CNTNAP2: variants seen among roughly 807,000 people sequenced by gnomAD.
CNTNAP2 encodes contactin associated protein 2.
CNTNAP2 carries 98 observed loss-of-function variants against 155.2 expected under a neutral mutation model. The observed-to-expected ratio is 0.63, with a 90% CI of 0.54 to 0.75. CNTNAP2 has a LOEUF of 0.75. Ranked by LOEUF, CNTNAP2 falls within the 30% of genes least tolerant of loss-of-function variation. The pLI, the probability that CNTNAP2 is intolerant of heterozygous loss-of-function variation, is 0.00. For synonymous variants in CNTNAP2, 651 were observed against 631.2 expected (o/e 1.03, Z -0.47); for missense variants, 1,727 against 1,688.1 (o/e 1.02, Z -0.40).
intron 1 of CNTNAP2, among the ~76,000 whole-genome samples, chr7:146,645,851 C>G (rs1354110189): frequency 6.6e-6 from 1 of 151,954 alleles, no homozygotes; most frequent in Non-Finnish European, 1.5e-5. Flanking sequence ...TCAAGCTGCA[C>G]TGACTTCCAG....
intron 1 of CNTNAP2, among the ~76,000 whole-genome samples, chr7:146,313,431 C>T (rs2129091127): frequency 6.6e-6 from 1 of 152,276 alleles, no homozygotes; most frequent in East Asian, 1.9e-4. Flanking sequence ...TTAAATTCCT[C>T]ATATGACGTG....
intron 1 of CNTNAP2, among the ~76,000 whole-genome samples, chr7:146,502,035 A>T (rs75584214): frequency 0.085 from 12,941 of 151,668 alleles, 1,460 homozygotes; most frequent in African/African-American, 0.26. Flanking sequence ...GATGACCACC[A>T]ATCTACTCCT....
chr7:148,031,686 A>G (rs960510916), intron 15 of CNTNAP2, among the ~76,000 whole-genome samples: 1 of 152,162 alleles, frequency 6.6e-6, no homozygotes, highest in African/African-American at 2.4e-5. Flanking sequence ...GCCCAGGGGA[A>G]TAGCCTTCCT....
chr7:148,361,824 G>A (rs1057397065), intron 21 of CNTNAP2, among the ~76,000 whole-genome samples: 2 of 152,142 alleles, frequency 1.3e-5, no homozygotes, highest in Non-Finnish European at 2.9e-5. Context: ...TACAATCATG[G>A]CAGAAGGCAA....
At chr7:146,241,165 T>C (rs1799554431) in intron 1 of CNTNAP2, among the ~76,000 whole-genome samples, 1 of 152,130 alleles carries the variant, frequency 6.6e-6, no homozygotes, top group Admixed American at 6.6e-5. Context: ...CCTCCAATAC[T>C]GGGGATGACA....
intron 14 of CNTNAP2, among the ~76,000 whole-genome samples, chr7:147,917,442 G>C (rs542211453): frequency 2.6e-5 from 4 of 152,316 alleles, no homozygotes; most frequent in Non-Finnish European, 4.4e-5. Flanking sequence ...GTGTTATTCA[G>C]ATTTGACATC....
intron 15 of CNTNAP2, among the ~76,000 whole-genome samples, chr7:148,004,623 C>T (rs546447082): frequency 5.3e-5 from 8 of 152,114 alleles, no homozygotes; most frequent in Admixed American, 1.3e-4. Flanking sequence ...CATAAGACAA[C>T]AAATGACCCA....
At chr7:146,722,667 T>C (rs986997083) in intron 1 of CNTNAP2, among the ~76,000 whole-genome samples, 1 of 151,880 alleles carries the variant, frequency 6.6e-6, no homozygotes, top group Non-Finnish European at 1.5e-5. Context: ...AAATTACAAT[T>C]ATGGGTTAGT....
At chr7:146,160,209 T>G (rs1220438814) in intron 1 of CNTNAP2, among the ~76,000 whole-genome samples, 1 of 152,130 alleles carries the variant, frequency 6.6e-6, no homozygotes, top group Non-Finnish European at 1.5e-5. Context: ...GCAGGGAAAT[T>G]TATAGTACTA....
intron 13 of CNTNAP2, among the ~76,000 whole-genome samples, chr7:147,772,109 T>C (rs1302420052): frequency 6.6e-6 from 1 of 152,012 alleles, no homozygotes; most frequent in African/African-American, 2.4e-5. Context: ...TCAATGTGTA[T>C]AAGTAATTGT....
At chr7:148,217,631 T>C in intron 19 of CNTNAP2, 107 bp downstream of exon 19, 1 of 1,220,284 alleles carries the variant, frequency 8.2e-7, no homozygotes. Flanking sequence ...CCCCATAGGC[T>C]TTTTTAAGCA....
At chr7:147,953,475 G>C (rs1391209287) in intron 14 of CNTNAP2, among the ~76,000 whole-genome samples, 1 of 152,056 alleles carries the variant, frequency 6.6e-6, no homozygotes, top group Non-Finnish European at 1.5e-5. Flanking sequence ...CATGGCACAC[G>C]TTCACCTATG....
In CNTNAP2 at chr7:148,406,935, C is replaced by T. The variant is rs550339142; in HGVS notation, c.3716-2456C>T. 1.5e-3 allele frequency among the ~76,000 whole-genome samples: 221 copies of T among 152,262 alleles called. 1 individual carries two copies. The highest frequency in any genetic ancestry group is 2.4e-3 in the Non-Finnish European group (162 of 68,010). ...ATATAAACCAAACTCTTCAAGGATG[C>T]GTAGAATAAACAGACCATGTCGGAC... On this transcript the variant is annotated intron_variant, in intron 22 of 23. Transcript: ENST00000361727.
chr7:147,004,212 CAAAAA>C (rs71525979), intron 3 of CNTNAP2, among the ~76,000 whole-genome samples: 11 of 97,730 alleles, frequency 1.1e-4, no homozygotes, highest in African/African-American at 3.3e-4. Flanking sequence ...ACTCATATAC[CAAAAA>C]AAAAAAAAAA....
chr7:147,766,072 T>A (rs1488433882), intron 13 of CNTNAP2, among the ~76,000 whole-genome samples: 1 of 152,150 alleles, frequency 6.6e-6, no homozygotes, highest in African/African-American at 2.4e-5. Flanking sequence ...GGGCCAAGGG[T>A]AGACAGAATT....
chr7:147,759,781 A>G (rs563231219), intron 13 of CNTNAP2, among the ~76,000 whole-genome samples: 41 of 152,288 alleles, frequency 2.7e-4, no homozygotes, highest in Non-Finnish European at 5.0e-4. Context: ...AAACAGCTCC[A>G]TTTGTTTGCT....
At chr7:147,584,155 T>G (rs995891) in intron 12 of CNTNAP2, among the ~76,000 whole-genome samples, 1 of 152,032 alleles carries the variant, frequency 6.6e-6, no homozygotes, top group African/African-American at 2.4e-5. Flanking sequence ...ATGTCACTTA[T>G]GTTTTCCTTT....
chr7:146,257,742 G>A (rs1221407674), intron 1 of CNTNAP2, among the ~76,000 whole-genome samples: 1 of 152,190 alleles, frequency 6.6e-6, no homozygotes, highest in Non-Finnish European at 1.5e-5. Context: ...GTGATAATAA[G>A]GTCACTGGAC....
At chr7:147,919,679 C>T (rs1245430557) in intron 14 of CNTNAP2, among the ~76,000 whole-genome samples, 7 of 151,468 alleles carry the variant, frequency 4.6e-5, no homozygotes, top group Middle Eastern at 6.8e-3. Context: ...AGGATGGTCT[C>T]GATCTCCTGA....
Sources: allele counts gnomAD v4.1 joint callset (sites outside exome capture counted in the v4.1 genomes callset), GRCh38; gene constraint gnomAD v4.1.1; transcripts MANE v1.5; gene names NCBI Gene and HGNC (gene_info 2026-07-23, HGNC 2026-07-21).